PVALB: variants seen among roughly 807,000 people sequenced by gnomAD.
The protein encoded by PVALB is parvalbumin alpha.
In PVALB, 11 loss-of-function variants were observed where a neutral mutation model predicts 10.9. The ratio of observed to expected loss-of-function variants is 1.01; its 90% CI spans 0.63 to 1.67. The LOEUF (loss-of-function observed/expected upper bound fraction) is 1.67. Ranked by LOEUF, PVALB falls within the 40% of genes most tolerant of loss-of-function variation. The pLI, the probability that PVALB is intolerant of heterozygous loss-of-function variation, is 0.00. For synonymous variants in PVALB, 57 were observed against 50.7 expected (o/e 1.12, Z -0.53); for missense variants, 131 against 136.2 (o/e 0.96, Z 0.19).
chr22:36,800,885 G>A lies in PVALB; in HGVS notation c.*5C>T. ...AGGTGGAAGACCAGGGGCAGTCAGT[G>A]CTTCTTAGCTTTCAGCCACCAGAGT... is the stretch of plus-strand genomic sequence containing the variant. On this transcript the variant is annotated 3_prime_UTR_variant, in exon 4 of 4. Coordinates refer to ENST00000417718, the MANE Select transcript of PVALB (RefSeq NM_001315532.2). 1 of 1,609,632 alleles carries A rather than the reference G, an allele frequency of 6.2e-7. No homozygotes were observed. The highest frequency in any genetic ancestry group is 8.5e-7 in the Non-Finnish European group (1 of 1,175,962).
At chr22:36,813,589 C>T (rs866562125) in intron 3 of PVALB, 57 bp downstream of exon 3, 44 of 1,416,520 alleles carry the variant, frequency 3.1e-5, no homozygotes, top group Non-Finnish European at 4.0e-5. Flanking sequence ...TCAAACTTTT[C>T]GCATCCAACA....
At chr22:36,808,819 C>A (rs1939003056) in intron 3 of PVALB, among the ~76,000 whole-genome samples, 1 of 152,152 alleles carries the variant, frequency 6.6e-6, no homozygotes, top group Non-Finnish European at 1.5e-5. Context: ...GGTGCTTTAA[C>A]AAAGATTTTT....
intron 3 of PVALB, among the ~76,000 whole-genome samples, chr22:36,802,373 T>C (rs1311781352): frequency 6.6e-6 from 1 of 151,576 alleles, no homozygotes; most frequent in African/African-American, 2.4e-5. Context: ...GAGGCTGAGG[T>C]GGGCGGATCA....
chr22:36,806,279 C>T (rs1247370794), intron 3 of PVALB, among the ~76,000 whole-genome samples: 1 of 152,096 alleles, frequency 6.6e-6, no homozygotes, highest in Non-Finnish European at 1.5e-5. Flanking sequence ...TCATCATTGT[C>T]CAACCAGAAA....
intron 3 of PVALB, among the ~76,000 whole-genome samples, chr22:36,804,816 C>A (rs1348296625): frequency 2.0e-5 from 3 of 152,114 alleles, no homozygotes; most frequent in Non-Finnish European, 4.4e-5. Context: ...CGCCTGTAAT[C>A]CCAGGTACTC....
At chr22:36,806,117 G>A (rs546902588) in intron 3 of PVALB, among the ~76,000 whole-genome samples, 214 of 152,330 alleles carry the variant, frequency 1.4e-3, no homozygotes, top group Non-Finnish European at 2.4e-3. Context: ...GTGGGAATGC[G>A]ACTAAATCAA....
chr22:36,805,950 T>C (rs1047518029), intron 3 of PVALB, among the ~76,000 whole-genome samples: 3 of 152,196 alleles, frequency 2.0e-5, no homozygotes, highest in African/African-American at 7.2e-5. Context: ...AGAGCTAGCA[T>C]CCCACCTCCG....
intron 3 of PVALB, among the ~76,000 whole-genome samples, chr22:36,801,626 C>T (rs1463418610): frequency 1.3e-5 from 2 of 152,236 alleles, no homozygotes; most frequent in South Asian, 4.1e-4. Flanking sequence ...ATGGTAAAAC[C>T]CTGTATCTAC....
intron 3 of PVALB, among the ~76,000 whole-genome samples, chr22:36,802,592 T>C (rs1601517409): frequency 1.2e-5 from 1 of 84,868 alleles, no homozygotes; most frequent in Non-Finnish European, 2.1e-5. Context: ...AGAGTGAGAC[T>C]CCATCTCACA....
intron 3 of PVALB, among the ~76,000 whole-genome samples, chr22:36,803,665 GTGGGTGGGTGGATGGATGGA>G (rs1256483310): frequency 7.2e-6 from 1 of 138,754 alleles, no homozygotes; most frequent in Non-Finnish European, 1.5e-5. Flanking sequence ...GGATGGATGG[GTGGGTGGGTGGATGGATGGA>G]TGGATGGATG....
Position 36,800,799 on chromosome 22 carries a change from G to A in PVALB, c.*91C>T, listed in dbSNP as rs865886277. 4 of 1,407,570 alleles carry A rather than the reference G, an allele frequency of 2.8e-6. No homozygotes were observed. Among genetic ancestry groups the A allele is most frequent in the South Asian group, 2.3e-5 (2 of 86,860 alleles). The allele number at this position is 1,407,570 out of a possible 1,614,324, so 87.2% of individuals were successfully genotyped here. On this transcript the variant is annotated 3_prime_UTR_variant, in exon 4 of 4. Coordinates refer to ENST00000417718, the MANE Select transcript of PVALB (RefSeq NM_001315532.2). The stretch of plus-strand genomic sequence containing the variant: ...TGGGGGAGTAAAAAATAACATAAAC[G>A]AACTGAACAGAAATGCAGGAGGGTG...
intron 3 of PVALB, among the ~76,000 whole-genome samples, chr22:36,807,337 G>C (rs1290459143): frequency 6.6e-6 from 1 of 152,190 alleles, no homozygotes; most frequent in African/African-American, 2.4e-5. Context: ...AATGAGATGG[G>C]ACAAAGCATC....
chr22:36,815,358 T>C, intron 1 of PVALB, 123 bp from the exon 2 acceptor site: 2 of 1,330,546 alleles, frequency 1.5e-6, no homozygotes, highest in African/African-American at 1.4e-5. Context: ...GAATGAGAGG[T>C]ACCCACCTCC....
chr22:36,811,311 G>A (rs1601522217), intron 3 of PVALB, among the ~76,000 whole-genome samples: 1 of 112,788 alleles, frequency 8.9e-6, no homozygotes, highest in South Asian at 3.1e-4. Context: ...AAATAAATAA[G>A]GCATTGCAGT....
intron 3 of PVALB, among the ~76,000 whole-genome samples, chr22:36,806,050 G>C (rs1168803771): frequency 1.3e-5 from 2 of 151,942 alleles, no homozygotes; most frequent in East Asian, 3.9e-4. Flanking sequence ...ATAGGGTTAT[G>C]GTAAGGGCTC....
chr22:36,818,803 A>G (rs1295776558), upstream of PVALB: 1 of 152,252 alleles, frequency 6.6e-6, no homozygotes, highest in Non-Finnish European at 1.5e-5. Flanking sequence ...AGAGCAGGGT[A>G]CACCCCTGGA....
At chr22:36,814,268 AGTGTGTGTGTGTGTGTGTGTGTGT>A (rs36215449) in intron 2 of PVALB, among the ~76,000 whole-genome samples, 4 of 148,040 alleles carry the variant, frequency 2.7e-5, no homozygotes, top group African/African-American at 7.5e-5. Context: ...AGCCTCTGTG[AGTGTGTGTGTGTGTGTGTGTGTGT>A]GTGTGTGTGT....
chr22:36,809,457 A>C (rs1569091997), intron 3 of PVALB, among the ~76,000 whole-genome samples: 1 of 152,212 alleles, frequency 6.6e-6, no homozygotes, highest in Non-Finnish European at 1.5e-5. Context: ...TGAATGAATG[A>C]ATGAATGAAT....
chr22:36,813,903 G>C lies in PVALB; in HGVS notation c.195-148C>G, dbSNP rs118063256. On this transcript the variant is annotated intron_variant, in intron 2 of 3. Transcript: ENST00000417718. ...GCAGTCACGCACACGGATGCTCTGG[G>C]CCAGGTAGCCTGCTCGGTGGCTGTG... The C allele has an allele frequency of 3.2e-4, 214 of 668,916 alleles. No homozygotes were observed. In the East Asian group the frequency reaches 5.4e-3, roughly 17 times the overall value. 41.4% of individuals were successfully genotyped at this position (668,916 alleles called of 1,614,324 possible).
Sources: gnomAD v4.1 joint callset for allele counts (sites outside exome capture counted in the v4.1 genomes callset) on GRCh38, gnomAD v4.1.1 for gene constraint, MANE v1.5 for transcripts, NCBI Gene and HGNC (gene_info 2026-07-23, HGNC 2026-07-21) for gene names.